PSMA6: variants seen among roughly 807,000 people sequenced by gnomAD.
PSMA6 encodes the protein proteasome 20S subunit alpha 6.
For synonymous variants in PSMA6, 88 were observed against 97.7 expected (o/e 0.90, Z 0.59); for missense variants, 170 against 294.8 (o/e 0.58, Z 3.10).
intron 1 of PSMA6, among the ~76,000 whole-genome samples, chr14:35,301,775 G>T (rs938365845): frequency 1.3e-5 from 2 of 152,180 alleles, no homozygotes; most frequent in Non-Finnish European, 2.9e-5. Flanking sequence ...AAAAGTTTAT[G>T]TGGTAGGGAA....
intron 3 of PSMA6, chr14:35,310,191 CTTT>C (rs33988739): frequency 0.019 from 6,482 of 346,004 alleles, no homozygotes; most frequent in South Asian, 0.026. Context: ...CTCTCAAGGC[CTTT>C]TTTTTTTTTT....
chr14:35,302,164 A>G (rs1278052635), intron 1 of PSMA6, among the ~76,000 whole-genome samples: 1 of 152,182 alleles, frequency 6.6e-6, no homozygotes, highest in African/African-American at 2.4e-5. Context: ...GCATTTACCA[A>G]CCTACCAGAG....
At chr14:35,291,220 CT>C (rs549426154), upstream of PSMA6, among the ~76,000 whole-genome samples, 229 of 125,910 alleles carry the variant, frequency 1.8e-3, no homozygotes, top group South Asian at 0.01. Context: ...GGCTTTCTTT[CT>C]TTTTTTTTTT....
At chr14:35,297,692 G>A (rs1386738217) in intron 1 of PSMA6, among the ~76,000 whole-genome samples, 2 of 152,192 alleles carry the variant, frequency 1.3e-5, no homozygotes, top group Non-Finnish European at 2.9e-5. Flanking sequence ...AGAATCACCT[G>A]TAAATGCTTT....
At chr14:35,296,240 T>C (rs2051583769) in intron 1 of PSMA6, among the ~76,000 whole-genome samples, 1 of 152,316 alleles carries the variant, frequency 6.6e-6, no homozygotes, top group South Asian at 2.1e-4. Flanking sequence ...TATAGGGCTT[T>C]AAGGATTTAA....
intron 1 of PSMA6, among the ~76,000 whole-genome samples, chr14:35,285,359 A>C (rs2051411719): frequency 6.6e-6 from 1 of 150,698 alleles, no homozygotes; most frequent in Non-Finnish European, 1.5e-5. Context: ...AAAAAACAAA[A>C]AAAAAAACCG....
chr14:35,309,701 CAGG>C (rs2051902633), intron 3 of PSMA6, among the ~76,000 whole-genome samples: 2 of 152,170 alleles, frequency 1.3e-5, no homozygotes, highest in Non-Finnish European at 2.9e-5. Context: ...GAGGGTGAGG[CAGG>C]AGAATTGCTT....
chr14:35,287,589 C>G (rs1401102339), upstream of PSMA6, among the ~76,000 whole-genome samples: 3 of 152,174 alleles, frequency 2.0e-5, no homozygotes, highest in Non-Finnish European at 4.4e-5. Context: ...TACCTTCCAC[C>G]TACCTCCACC....
intron 1 of PSMA6, among the ~76,000 whole-genome samples, chr14:35,298,436 G>T (rs1414943700): frequency 2.0e-5 from 3 of 151,900 alleles, no homozygotes; most frequent in African/African-American, 7.3e-5. Flanking sequence ...GTTGTAGTGA[G>T]CTGAGATCGC....
chr14:35,312,933 T>C lies in PSMA6; in HGVS notation c.462T>C (p.Cys154=), dbSNP rs1445149000. 3.1e-6 allele frequency: 5 copies of C among 1,596,090 alleles called. No individual in the cohort carries two copies. The Admixed American group carries it at 9.0e-5, about 29-fold the overall frequency. The change falls in exon 5 of 7, where the codon TGT becomes TGC. Residue 154 remains cysteine, a synonymous_variant. Transcript: ENST00000261479. ...AGCAAGGCCCTCAGGTATATAAGTG[T>C]GATCCTGCAGGTTACTACTGTGGGT... ...DEEQGPQVYK[C]DPAGYYCGFK...
In PSMA6 at chr14:35,292,571, C is replaced by T. The variant is rs770727265; in HGVS notation, c.76+19C>T. The T allele has an allele frequency of 7.4e-6, 12 of 1,611,760 alleles. No individual in the cohort carries two copies. The highest frequency in any genetic ancestry group is 1.3e-5 in the African/African-American group (1 of 74,894). On this transcript the variant is annotated intron_variant, in intron 1 of 6. Transcript: ENST00000261479. ...CAAGTAGGTGAGTGAACCAGGTTCG[C>T]CTGTGGGCCACCTGAATTGCCCTGT...
intron 4 of PSMA6, chr14:35,311,120 T>G (rs1416269789): frequency 9.7e-6 from 4 of 410,518 alleles, no homozygotes; most frequent in African/African-American, 8.2e-5. Flanking sequence ...TATCAAAGTA[T>G]TTCCATTTGG....
At chr14:35,283,329 C>T (rs945702808) in intron 1 of PSMA6, among the ~76,000 whole-genome samples, 7 of 147,852 alleles carry the variant, frequency 4.7e-5, no homozygotes, top group African/African-American at 1.8e-4. Flanking sequence ...GAGTACGAGA[C>T]CAGCCTGGGC....
At chr14:35,299,637 G>C (rs1362294149) in intron 1 of PSMA6, among the ~76,000 whole-genome samples, 1 of 151,742 alleles carries the variant, frequency 6.6e-6, no homozygotes, top group Non-Finnish European at 1.5e-5. Context: ...TTTCTTAATT[G>C]GCCTTCATAT....
At position 35,312,866 on chromosome 14, in the gene PSMA6, C is replaced by A; in HGVS notation, c.410-15C>A. 6.4e-7 allele frequency: 1 copy of A among 1,559,564 alleles called. No individual in the cohort carries two copies. Among genetic ancestry groups the A allele is most frequent in the South Asian group, 1.2e-5 (1 of 83,644 alleles). Reference sequence around the variant, plus strand: ...TAAAGCTAAAACATTTAATTAGGGTCTTTTCTCTTTTTAGGTATGATTTTA... The same window carrying A: ...TAAAGCTAAAACATTTAATTAGGGTATTTTCTCTTTTTAGGTATGATTTTA... On this transcript the variant is annotated splice_polypyrimidine_tract_variant and intron_variant, in intron 4 of 6. Coordinates refer to ENST00000261479, the MANE Select transcript of PSMA6 (RefSeq NM_002791.3).
At chr14:35,288,910 G>C (rs910122748), upstream of PSMA6, among the ~76,000 whole-genome samples, 1 of 152,188 alleles carries the variant, frequency 6.6e-6, no homozygotes, top group Admixed American at 6.5e-5. Context: ...ATGGCTTTCA[G>C]TGTGGCCCAA....
At chr14:35,314,193 C>T (rs576290993) in intron 5 of PSMA6, 168 bp from the exon 6 acceptor site, 2 of 678,836 alleles carry the variant, frequency 2.9e-6, no homozygotes, top group East Asian at 4.4e-5. Context: ...AAAAATTTCT[C>T]ATCATTGGGA....
At chr14:35,302,665 C>A (rs1356106459) in intron 1 of PSMA6, among the ~76,000 whole-genome samples, 1 of 152,054 alleles carries the variant, frequency 6.6e-6, no homozygotes, top group Non-Finnish European at 1.5e-5. Context: ...ACATATCTTA[C>A]ACATTTTGAT....
At chr14:35,309,045 GT>G in intron 3 of PSMA6, 50 bp downstream of exon 3, 1 of 1,309,074 alleles carries the variant, frequency 7.6e-7, no homozygotes, top group Admixed American at 2.2e-5. Context: ...CAAGCCTTTT[GT>G]TATTTTCTTC....
Sources: allele counts gnomAD v4.1 joint callset (sites outside exome capture counted in the v4.1 genomes callset), GRCh38; gene constraint gnomAD v4.1.1; transcripts MANE v1.5; gene names NCBI Gene and HGNC (gene_info 2026-07-23, HGNC 2026-07-21).